DLG2: variants seen among roughly 807,000 people sequenced by gnomAD.
DLG2 encodes disks large homolog 2.
Under a neutral mutation model 132.5 loss-of-function variants are expected in DLG2, and 45 were observed. The observed-to-expected ratio is 0.34, with a 90% CI of 0.27 to 0.44. DLG2 has a LOEUF of 0.44. DLG2 is among the 20% of genes least tolerant of loss of function. The probability of loss-of-function intolerance (pLI) is 1.00; values close to 1 mark genes in which losing one functional copy is unlikely to be tolerated. For missense variants in DLG2, 1,045 were observed against 1,196.9 expected (o/e 0.87, Z 1.87); for synonymous variants, 424 against 419.6 (o/e 1.01, Z -0.13).
At chr11:84,763,070 T>C (rs2153868908) in intron 6 of DLG2, among the ~76,000 whole-genome samples, 1 of 152,336 alleles carries the variant, frequency 6.6e-6, no homozygotes. Flanking sequence ...ACACCATTAT[T>C]TGACCAATTT....
chr11:83,833,960 A>G (rs910231286), intron 16 of DLG2, among the ~76,000 whole-genome samples, 190 bp from the exon 17 acceptor site: 1 of 152,282 alleles, frequency 6.6e-6, no homozygotes, highest in African/African-American at 2.4e-5. Flanking sequence ...CACTGCAACA[A>G]CTACCAAAAT....
At chr11:84,654,952 C>CT (rs1820306336) in intron 6 of DLG2, among the ~76,000 whole-genome samples, 2 of 152,146 alleles carry the variant, frequency 1.3e-5, no homozygotes, top group Admixed American at 1.3e-4. Context: ...GGGAAACTCA[C>CT]TTTTTTCTAT....
chr11:84,645,246 T>C (rs1483163017), intron 6 of DLG2, among the ~76,000 whole-genome samples: 1 of 152,140 alleles, frequency 6.6e-6, no homozygotes, highest in South Asian at 2.1e-4. Flanking sequence ...CTCAAATTAT[T>C]ATCAGTAAAA....
At chr11:83,633,974 CA>C (rs930133046) in intron 18 of DLG2, among the ~76,000 whole-genome samples, 8 of 147,968 alleles carry the variant, frequency 5.4e-5, no homozygotes, top group Admixed American at 2.0e-4. Flanking sequence ...AAACAAAAAA[CA>C]AAAAAAAACT....
intron 6 of DLG2, among the ~76,000 whole-genome samples, chr11:84,896,802 T>C (rs996811890): frequency 6.6e-6 from 1 of 151,998 alleles, no homozygotes; most frequent in Non-Finnish European, 1.5e-5. Flanking sequence ...ATTTTATTAA[T>C]AATTGTTCAT....
intron 4 of DLG2, among the ~76,000 whole-genome samples, chr11:85,224,671 T>A (rs2074867321): frequency 6.6e-6 from 1 of 152,220 alleles, no homozygotes; most frequent in Non-Finnish European, 1.5e-5. Flanking sequence ...ATTTTCATCT[T>A]CTTTTTTTGT....
intron 3 of DLG2, among the ~76,000 whole-genome samples, chr11:85,508,655 C>T (rs925390404): frequency 6.6e-6 from 1 of 151,962 alleles, no homozygotes; most frequent in Non-Finnish European, 1.5e-5. Flanking sequence ...ATTATACGCA[C>T]CCAATAGTTA....
chr11:84,049,445 C>A (rs891872555), intron 11 of DLG2, among the ~76,000 whole-genome samples: 11 of 151,752 alleles, frequency 7.2e-5, no homozygotes, highest in African/African-American at 2.4e-4. Flanking sequence ...CTCATACGGA[C>A]TCTTCGCAGT....
intron 10 of DLG2, among the ~76,000 whole-genome samples, chr11:84,074,061 T>A (rs977395365): frequency 1.3e-5 from 2 of 152,238 alleles, no homozygotes; most frequent in African/African-American, 4.8e-5. Context: ...TCTCATTACC[T>A]GTTACAGGGA....
At position 85,420,100 on chromosome 11, in the gene DLG2, T is replaced by G. The variant is rs547293483; in HGVS notation, c.41-134735A>C. On this transcript the variant is annotated intron_variant, in intron 3 of 27. Coordinates refer to ENST00000376104, the MANE Select transcript of DLG2 (RefSeq NM_001142699.3). ...TACCTTTGGTCTTTGGTTGGTGACCTTTGGATGGGGTTTTCATGTGCATGT... is the reference window on the plus strand; with the variant it reads ...TACCTTTGGTCTTTGGTTGGTGACCGTTGGATGGGGTTTTCATGTGCATGT... Among the ~76,000 whole-genome samples, 3 of 152,334 alleles carry G rather than the reference T, an allele frequency of 2.0e-5. No individual in the cohort carries two copies. In the East Asian group the frequency reaches 5.8e-4, roughly 29 times the overall value.
chr11:84,081,767 C>T (rs1009094364), intron 10 of DLG2, among the ~76,000 whole-genome samples: 4 of 152,084 alleles, frequency 2.6e-5, no homozygotes, highest in Non-Finnish European at 5.9e-5. Context: ...TGAATAGTGC[C>T]GCAATAAACA....
chr11:83,783,983 T>C (rs567357297), intron 18 of DLG2, among the ~76,000 whole-genome samples: 82 of 152,324 alleles, frequency 5.4e-4, no homozygotes, highest in African/African-American at 1.9e-3. Flanking sequence ...AGACTATGCT[T>C]ATTACTTAAG....
At chr11:83,724,991 C>G in intron 18 of DLG2, 1 of 692,924 alleles carries the variant, frequency 1.4e-6, no homozygotes, top group Non-Finnish European at 2.6e-6. Context: ...TCCTGACGCT[C>G]TTGAGTGGTG....
At chr11:85,472,869 C>G (rs1029514996) in intron 3 of DLG2, among the ~76,000 whole-genome samples, 1 of 152,202 alleles carries the variant, frequency 6.6e-6, no homozygotes, top group Non-Finnish European at 1.5e-5. Flanking sequence ...CTAACTGAAA[C>G]CCACTCCTTC....
intron 6 of DLG2, among the ~76,000 whole-genome samples, chr11:84,724,858 G>A (rs569334413): frequency 2.6e-5 from 4 of 152,194 alleles, no homozygotes; most frequent in South Asian, 2.1e-4. Context: ...AGAAGAGTAC[G>A]GTCTATCAGT....
chr11:84,518,350 G>GC, intron 7 of DLG2, among the ~76,000 whole-genome samples: 1 of 151,846 alleles, frequency 6.6e-6, no homozygotes, highest in Non-Finnish European at 1.5e-5. Flanking sequence ...GAAGAGGGAA[G>GC]AAGAAAATAC....
At chr11:83,612,880 G>C (rs1300402219) in intron 19 of DLG2, among the ~76,000 whole-genome samples, 1 of 152,176 alleles carries the variant, frequency 6.6e-6, no homozygotes, top group East Asian at 1.9e-4. Context: ...TGTAGAGGTA[G>C]GCAGAGTCCA....
intron 8 of DLG2, among the ~76,000 whole-genome samples, chr11:84,182,470 A>G (rs1408514641): frequency 1.3e-5 from 2 of 152,004 alleles, no homozygotes; most frequent in Admixed American, 1.3e-4. Context: ...TTGAGGCTAC[A>G]GTGAGCCCTG....
intron 11 of DLG2, among the ~76,000 whole-genome samples, chr11:84,010,977 C>T (rs1827764332): frequency 6.6e-6 from 1 of 152,044 alleles, no homozygotes. Context: ...CGAATTAGTT[C>T]TAATCACAAA....
Sources: allele counts gnomAD v4.1 joint callset (sites outside exome capture counted in the v4.1 genomes callset), GRCh38; gene constraint gnomAD v4.1.1; transcripts MANE v1.5; gene names NCBI Gene and HGNC (gene_info 2026-07-23, HGNC 2026-07-21).